Variants in ZBTB20 observed in about 807,000 individuals in gnomAD.
ZBTB20 encodes zinc finger and BTB domain-containing protein 20.
In ZBTB20, 9 loss-of-function variants were observed where a neutral mutation model predicts 56.9. The observed-to-expected ratio is 0.16, with a 90% CI of 0.10 to 0.28. The LOEUF (loss-of-function observed/expected upper bound fraction) is 0.28, where lower values mean the gene tolerates loss of function less well. Ranked by LOEUF, ZBTB20 falls within the 10% of genes least tolerant of loss-of-function variation. The pLI is 1.00. For synonymous variants in ZBTB20, 417 were observed against 420.7 expected, an observed-to-expected ratio of 0.99 and a Z score of 0.11; for missense variants, 655 against 1,003.0, an observed-to-expected ratio of 0.65 and a Z score of 4.69.
intron 2 of ZBTB20, among the ~76,000 whole-genome samples, chr3:115,020,301 C>A (rs183454956): frequency 1.3e-5 from 2 of 151,184 alleles, no homozygotes; most frequent in Admixed American, 1.3e-4. Flanking sequence ...AATTACCAAA[C>A]GTAATACCAA....
chr3:115,031,911 A>G (rs1355372448), intron 2 of ZBTB20, among the ~76,000 whole-genome samples: 1 of 151,474 alleles, frequency 6.6e-6, no homozygotes, highest in Non-Finnish European at 1.5e-5. Context: ...CTAGTCAACA[A>G]AAATTGGGGC....
At chr3:115,010,001 G>A (rs373520624) in intron 2 of ZBTB20, among the ~76,000 whole-genome samples, 26 of 151,910 alleles carry the variant, frequency 1.7e-4, no homozygotes, top group African/African-American at 5.8e-4. Context: ...CGACTTATTC[G>A]AAAAGGTAAT....
chr3:114,434,467 A>G (rs556599452), intron 7 of ZBTB20, among the ~76,000 whole-genome samples: 1 of 151,892 alleles, frequency 6.6e-6, no homozygotes, highest in South Asian at 2.1e-4. Context: ...TCCTACAGAA[A>G]CATCTTTTTC....
At chr3:114,378,511 G>T (rs2083925395) in intron 10 of ZBTB20, among the ~76,000 whole-genome samples, 1 of 152,216 alleles carries the variant, frequency 6.6e-6, no homozygotes, top group Non-Finnish European at 1.5e-5. Flanking sequence ...CAATGCTAAG[G>T]CCTGGCCAGA....
chr3:114,587,948 A>C (rs1227298850), intron 6 of ZBTB20, among the ~76,000 whole-genome samples: 1 of 152,138 alleles, frequency 6.6e-6, no homozygotes, highest in Admixed American at 6.5e-5. Flanking sequence ...ACTTTAATGC[A>C]CTGGGGAAGA....
At chr3:115,119,794 AAAAC>A (rs996093287) in intron 1 of ZBTB20, among the ~76,000 whole-genome samples, 4 of 152,200 alleles carry the variant, frequency 2.6e-5, no homozygotes, top group African/African-American at 9.6e-5. Context: ...CCACTGTTCT[AAAAC>A]AGAGAGAGAG....
chr3:114,406,454 A>C (rs376276405), intron 7 of ZBTB20, among the ~76,000 whole-genome samples: 1 of 152,246 alleles, frequency 6.6e-6, no homozygotes, highest in South Asian at 2.1e-4. Context: ...TTCTGCTTGG[A>C]AGTTGCATAA....
In ZBTB20 at chr3:114,924,373, TA is replaced by T. The variant is rs1258426221; in HGVS notation, c.-455-24032del. Among the ~76,000 whole-genome samples, 3 of 152,214 alleles carry T rather than the reference TA, an allele frequency of 2.0e-5. No individual in the cohort carries two copies. In the East Asian group the frequency reaches 5.8e-4, roughly 29 times the overall value. On this transcript the variant is annotated intron_variant, in intron 3 of 11. Transcript: ENST00000675478. The stretch of plus-strand genomic sequence containing the variant: ...GTGGTACATATACACAATGAAATAT[TA>T]TTTTGCCATAAAAATAATCAAACCT...
At chr3:114,556,045 A>G (rs1389966870) in intron 6 of ZBTB20, among the ~76,000 whole-genome samples, 1 of 152,098 alleles carries the variant, frequency 6.6e-6, no homozygotes, top group Non-Finnish European at 1.5e-5. Flanking sequence ...GAGGATAACA[A>G]CATCTCACTA....
intron 6 of ZBTB20, among the ~76,000 whole-genome samples, chr3:114,558,293 C>T (rs1306472954): frequency 6.6e-6 from 1 of 151,958 alleles, no homozygotes; most frequent in Non-Finnish European, 1.5e-5. Flanking sequence ...CCAATAATTC[C>T]CTTACCTATT....
chr3:114,659,720 G>A (rs1216589808), intron 6 of ZBTB20, among the ~76,000 whole-genome samples: 1 of 152,098 alleles, frequency 6.6e-6, no homozygotes, highest in Non-Finnish European at 1.5e-5. Context: ...TTTTCTTTTA[G>A]GGAGAACAGT....
At chr3:114,844,591 G>T (rs115692049) in intron 4 of ZBTB20, among the ~76,000 whole-genome samples, 162 of 135,878 alleles carry the variant, frequency 1.2e-3, no homozygotes, top group African/African-American at 4.2e-3. Context: ...GCATGAAATG[G>T]CTGGATAACA....
chr3:114,343,027 T>G (rs2079905291), intron 11 of ZBTB20, among the ~76,000 whole-genome samples: 1 of 152,048 alleles, frequency 6.6e-6, no homozygotes, highest in South Asian at 2.1e-4. Flanking sequence ...TTTACTGCCT[T>G]GCCAAGGGTG....
intron 6 of ZBTB20, among the ~76,000 whole-genome samples, chr3:114,658,168 A>T (rs1205818632): frequency 1.3e-5 from 2 of 152,228 alleles, no homozygotes; most frequent in Admixed American, 6.5e-5. Flanking sequence ...ATAATCTGTG[A>T]ATAAAATGAA....
intron 4 of ZBTB20, among the ~76,000 whole-genome samples, chr3:114,869,154 C>T (rs941132744): frequency 2.0e-5 from 3 of 152,016 alleles, no homozygotes; most frequent in South Asian, 2.1e-4. Flanking sequence ...GATAGATTTA[C>T]ACTTCTCCAA....
chr3:114,868,208 G>C (rs1224864443), intron 4 of ZBTB20, among the ~76,000 whole-genome samples: 1 of 152,152 alleles, frequency 6.6e-6, no homozygotes, highest in Non-Finnish European at 1.5e-5. Flanking sequence ...TTTTTCTCAA[G>C]GAAAAGTGCT....
chr3:114,767,014 G>A (rs1010233956), intron 5 of ZBTB20, among the ~76,000 whole-genome samples: 1 of 152,018 alleles, frequency 6.6e-6, no homozygotes, highest in African/African-American at 2.4e-5. Flanking sequence ...AATGTAACCT[G>A]AGTTCTTTTT....
intron 7 of ZBTB20, among the ~76,000 whole-genome samples, chr3:114,444,170 T>C (rs886133297): frequency 2.6e-5 from 4 of 152,306 alleles, no homozygotes; most frequent in African/African-American, 9.6e-5. Context: ...TAGTAAAATA[T>C]ACCAATCTGT....
chr3:114,620,396 G>T (rs150634501), intron 6 of ZBTB20, among the ~76,000 whole-genome samples: 3,276 of 152,028 alleles, frequency 0.022, 116 homozygotes, highest in African/African-American at 0.074. Context: ...AGGTTCTAGC[G>T]ATTCTCCTGC....
Sources: gnomAD v4.1 joint callset for allele counts (sites outside exome capture counted in the v4.1 genomes callset) on GRCh38, gnomAD v4.1.1 for gene constraint, MANE v1.5 for transcripts, NCBI Gene and HGNC (gene_info 2026-07-23, HGNC 2026-07-21) for gene names.